The following LRMDA variants were observed in gnomAD, a reference collection of about 807,000 sequenced individuals.
LRMDA encodes the protein leucine-rich melanocyte differentiation-associated protein.
A neutral mutation model predicts 29.8 loss-of-function variants in LRMDA; 18 were observed. That is an observed-to-expected ratio of 0.60 (90% confidence interval 0.42 to 0.90). LRMDA has a LOEUF of 0.90. Ranked by LOEUF, LRMDA falls within the 40% of genes least tolerant of loss-of-function variation. The pLI is 0.00. For synonymous variants in LRMDA, 125 were observed against 109.4 expected, an observed-to-expected ratio of 1.14 and a Z score of -0.89; for missense variants, 273 against 273.9, an observed-to-expected ratio of 1.00 and a Z score of 0.02.
In LRMDA at chr10:76,449,358, T is replaced by C. The variant is rs1429121342; in HGVS notation, c.602-107851T>C. Among the ~76,000 whole-genome samples the C allele has an allele frequency of 2.6e-5, 4 of 152,026 alleles. 1 individual carries two copies. The South Asian group carries it at 8.3e-4, about 31-fold the overall frequency. On this transcript the variant is annotated intron_variant, in intron 6 of 6. Transcript: ENST00000611255. ...TCATAAGTTATATGTCCTTTATATCTTCATTGCAGAGGATTCCTTTTCTCA... is the reference window on the plus strand; with the variant it reads ...TCATAAGTTATATGTCCTTTATATCCTCATTGCAGAGGATTCCTTTTCTCA...
chr10:75,542,569 G>A (rs918178732), intron 2 of LRMDA, among the ~76,000 whole-genome samples: 4 of 152,140 alleles, frequency 2.6e-5, no homozygotes, highest in African/African-American at 9.7e-5. Flanking sequence ...AGAAAAAGAA[G>A]TTTCTAGAAC....
intron 2 of LRMDA, among the ~76,000 whole-genome samples, chr10:75,882,273 G>T (rs1040573324): frequency 2.0e-5 from 3 of 152,142 alleles, no homozygotes; most frequent in African/African-American, 4.8e-5. Context: ...TAATTATGGA[G>T]GTTGTATTCA....
intron 2 of LRMDA, among the ~76,000 whole-genome samples, chr10:75,478,682 G>A (rs764550482): frequency 3.3e-4 from 50 of 152,122 alleles, no homozygotes; most frequent in Non-Finnish European, 6.5e-4. Context: ...AATGGCAATG[G>A]GCAAAAGTCT....
intron 5 of LRMDA, among the ~76,000 whole-genome samples, chr10:76,167,801 G>T (rs139606720): frequency 6.6e-6 from 1 of 152,114 alleles, no homozygotes; most frequent in Non-Finnish European, 1.5e-5. Context: ...AATGTCAATG[G>T]TAGTTTAATG....
intron 5 of LRMDA, among the ~76,000 whole-genome samples, chr10:76,181,786 A>G (rs1327231646): frequency 1.3e-5 from 2 of 152,188 alleles, no homozygotes; most frequent in Non-Finnish European, 2.9e-5. Context: ...TGAAAACTTA[A>G]CCTACCACTT....
intron 2 of LRMDA, among the ~76,000 whole-genome samples, chr10:75,826,347 T>C (rs1332917459): frequency 6.6e-6 from 1 of 152,184 alleles, no homozygotes; most frequent in Non-Finnish European, 1.5e-5. Flanking sequence ...CCCGGAGCTC[T>C]TGCCTTCTAC....
chr10:76,073,256 C>T (rs1341807382), intron 5 of LRMDA, among the ~76,000 whole-genome samples: 1 of 152,148 alleles, frequency 6.6e-6, no homozygotes, highest in Non-Finnish European at 1.5e-5. Context: ...TCCTTCAACT[C>T]TATTCCCTAT....
chr10:76,063,108 T>TAA (rs1326279867), intron 5 of LRMDA, among the ~76,000 whole-genome samples: 1 of 152,260 alleles, frequency 6.6e-6, no homozygotes, highest in African/African-American at 2.4e-5. Flanking sequence ...CCCTCTTGTT[T>TAA]ACAGGCATGT....
intron 5 of LRMDA, among the ~76,000 whole-genome samples, chr10:76,179,580 C>G (rs2132205844): frequency 6.6e-6 from 1 of 152,296 alleles, no homozygotes; most frequent in Non-Finnish European, 1.5e-5. Context: ...GAAAATGCTT[C>G]AAGGGATTAT....
intron 5 of LRMDA, among the ~76,000 whole-genome samples, chr10:76,176,697 G>A (rs865983251): frequency 2.0e-5 from 3 of 152,198 alleles, no homozygotes; most frequent in Non-Finnish European, 2.9e-5. Flanking sequence ...GGAGGCTGGG[G>A]CAGGAGAATT....
intron 6 of LRMDA, among the ~76,000 whole-genome samples, chr10:76,360,376 C>G (rs1362571949): frequency 6.6e-6 from 1 of 152,130 alleles, no homozygotes; most frequent in East Asian, 1.9e-4. Flanking sequence ...TGCCAGTGTT[C>G]AAGGTGGCTT....
intron 6 of LRMDA, among the ~76,000 whole-genome samples, chr10:76,457,459 T>C (rs980965821): frequency 2.6e-5 from 4 of 152,152 alleles, no homozygotes; most frequent in African/African-American, 4.8e-5. Context: ...TCAGACTGTA[T>C]GCAAATGTCT....
intron 5 of LRMDA, among the ~76,000 whole-genome samples, chr10:76,313,188 CG>C (rs1564720462): frequency 1.3e-5 from 2 of 152,122 alleles, no homozygotes; most frequent in African/African-American, 4.8e-5. Context: ...CTCTGGTCCT[CG>C]GCTTCCTCAT....
chr10:75,763,438 A>G (rs1432717868), intron 2 of LRMDA, among the ~76,000 whole-genome samples: 2 of 152,126 alleles, frequency 1.3e-5, no homozygotes, highest in Non-Finnish European at 2.9e-5. Flanking sequence ...GTTATGATTG[A>G]TGGTTTGGGT....
At position 75,843,999 on chromosome 10, in the gene LRMDA, G is replaced by C. The variant is rs567888722; in HGVS notation, c.132-192009G>C. On this transcript the variant is annotated intron_variant, in intron 2 of 6. Coordinates refer to ENST00000611255, the MANE Select transcript of LRMDA (RefSeq NM_001305581.2). ...TTCTCGCTGGGCTGTGGTAGTGGCA[G>C]CAGAAAGGAGAAGCCCCTGTAGATG... 9.9e-5 allele frequency among the ~76,000 whole-genome samples: 15 copies of C among 152,224 alleles called. No individual in the cohort carries two copies. The South Asian group carries it at 3.1e-3, about 32-fold the overall frequency.
At chr10:76,032,225 C>T (rs1848161166) in intron 2 of LRMDA, among the ~76,000 whole-genome samples, 2 of 152,172 alleles carry the variant, frequency 1.3e-5, no homozygotes, top group South Asian at 4.1e-4. Context: ...TTGTGCCCAC[C>T]CAGGAGCAGA....
chr10:76,292,428 T>G (rs952860299), intron 5 of LRMDA, among the ~76,000 whole-genome samples: 1 of 152,114 alleles, frequency 6.6e-6, no homozygotes, highest in Non-Finnish European at 1.5e-5. Context: ...CCCCACCATG[T>G]TGCTTCCAGT....
chr10:75,963,169 A>G (rs560291662), intron 2 of LRMDA, among the ~76,000 whole-genome samples: 1 of 152,358 alleles, frequency 6.6e-6, no homozygotes, highest in African/African-American at 2.4e-5. Context: ...CATTTATGAC[A>G]GGAACCAAAG....
chr10:75,965,718 A>G (rs1056020224), intron 2 of LRMDA, among the ~76,000 whole-genome samples: 2 of 152,180 alleles, frequency 1.3e-5, no homozygotes, highest in African/African-American at 4.8e-5. Flanking sequence ...TTCTCTAAAA[A>G]TATTTATTTA....
Sources: gnomAD v4.1 joint callset for allele counts (sites outside exome capture counted in the v4.1 genomes callset) on GRCh38, gnomAD v4.1.1 for gene constraint, MANE v1.5 for transcripts, NCBI Gene and HGNC (gene_info 2026-07-23, HGNC 2026-07-21) for gene names.